Variants in SLC25A51 observed in about 807,000 individuals in gnomAD.
SLC25A51 encodes mitochondrial nicotinamide adenine dinucleotide transporter SLC25A51.
A neutral mutation model predicts 19.1 loss-of-function variants in SLC25A51; 11 were observed. The ratio of observed to expected loss-of-function variants is 0.58; its 90% CI spans 0.36 to 0.96. SLC25A51 has a LOEUF of 0.96. SLC25A51 is among the 40% of genes least tolerant of loss of function. The probability of loss-of-function intolerance (pLI) is 0.01; values close to 1 mark genes in which losing one functional copy is unlikely to be tolerated. For missense variants in SLC25A51, 201 were observed against 365.4 expected, an observed-to-expected ratio of 0.55 and a Z score of 3.67; for synonymous variants, 105 against 133.6, an observed-to-expected ratio of 0.79 and a Z score of 1.47.
chr9:37,898,079 C>T (rs1831759491), intron 2 of SLC25A51, among the ~76,000 whole-genome samples: 1 of 152,150 alleles, frequency 6.6e-6, no homozygotes, highest in Non-Finnish European at 1.5e-5. Context: ...TAAGCTCCTG[C>T]CCCCAACTAT....
chr9:37,894,317 C>CT (rs1035674745), intron 2 of SLC25A51, among the ~76,000 whole-genome samples: 7 of 148,604 alleles, frequency 4.7e-5, no homozygotes, highest in African/African-American at 7.4e-5. Context: ...CCCCACTCAC[C>CT]TTTTTTTTTA....
At chr9:37,878,978 CTT>C (rs1831302336), downstream of SLC25A51, 1 of 236,872 alleles carries the variant, frequency 4.2e-6, no homozygotes, top group Admixed American at 5.4e-5. Context: ...TAAGGAAAAA[CTT>C]TGCGTGGGTT....
chr9:37,891,238 G>A (rs1415484125), intron 2 of SLC25A51, among the ~76,000 whole-genome samples: 1 of 152,026 alleles, frequency 6.6e-6, no homozygotes, highest in Non-Finnish European at 1.5e-5. Flanking sequence ...GAGGGAGGTG[G>A]GGGGCAGCCC....
intron 2 of SLC25A51, among the ~76,000 whole-genome samples, chr9:37,882,560 G>A (rs988156954): frequency 3.9e-5 from 6 of 152,112 alleles, no homozygotes; most frequent in African/African-American, 1.4e-4. Flanking sequence ...GATGAATATC[G>A]ACTATTTAGA....
chr9:37,885,814 G>A (rs1242517988), downstream of SLC25A51: 7 of 1,605,294 alleles, frequency 4.4e-6, no homozygotes, highest in African/African-American at 4.0e-5. Context: ...CTTTTCTTCC[G>A]CTTGGATATT....
downstream of SLC25A51, among the ~76,000 whole-genome samples, chr9:37,886,717 C>T (rs1476232236): frequency 4.6e-5 from 7 of 152,280 alleles, no homozygotes; most frequent in South Asian, 1.2e-3. Context: ...GAAACTCTGT[C>T]GTTTCATTAT....
chr9:37,898,719 AAAAT>A (rs1290622832), intron 2 of SLC25A51, among the ~76,000 whole-genome samples: 2 of 152,126 alleles, frequency 1.3e-5, no homozygotes, highest in Non-Finnish European at 2.9e-5. Flanking sequence ...CTCTGTCTCA[AAAAT>A]AAATAAATAA....
At chr9:37,885,883 C>A (rs1831444350), downstream of SLC25A51, 24 of 1,597,998 alleles carry the variant, frequency 1.5e-5, no homozygotes, top group South Asian at 1.8e-4. Context: ...TGCAAACCCC[C>A]CCCTCCCCAT....
At chr9:37,898,611 T>G (rs1309630119) in intron 2 of SLC25A51, among the ~76,000 whole-genome samples, 2 of 150,474 alleles carry the variant, frequency 1.3e-5, no homozygotes, top group Non-Finnish European at 3.0e-5. Flanking sequence ...CTCAGCTACT[T>G]GGGAGGCTGA....
At chr9:37,900,604 A>C (rs1338553914) in intron 1 of SLC25A51, among the ~76,000 whole-genome samples, 1 of 151,978 alleles carries the variant, frequency 6.6e-6, no homozygotes, top group Non-Finnish European at 1.5e-5. Context: ...AACTTTTAAA[A>C]AACATTTTTT....
intron 2 of SLC25A51, among the ~76,000 whole-genome samples, chr9:37,893,524 C>A (rs1831643855): frequency 6.6e-6 from 1 of 152,210 alleles, no homozygotes; most frequent in Non-Finnish European, 1.5e-5. Flanking sequence ...AGAGCTCAAA[C>A]CTTTCACTGT....
downstream of SLC25A51, among the ~76,000 whole-genome samples, chr9:37,884,576 C>T (rs1831409713): frequency 6.6e-6 from 1 of 152,132 alleles, no homozygotes; most frequent in Non-Finnish European, 1.5e-5. Context: ...AGTGGGATTG[C>T]ATTAATAGAC....
downstream of SLC25A51, among the ~76,000 whole-genome samples, chr9:37,885,163 GCCCCTGGCCCCTGAGGACCTTCT>G (rs528230016): frequency 2.8e-4 from 42 of 152,032 alleles, 1 homozygote; most frequent in South Asian, 8.5e-3. Context: ...AGCCTGAGGA[GCCCCTGGCCCCTGAGGACCTTCT>G]CCTCTGGCCG....
At position 37,900,777 on chromosome 9, in the gene SLC25A51, G is replaced by C. The variant is rs540737814; in HGVS notation, c.-164-827C>G. Among the ~76,000 whole-genome samples, 5 of 152,046 alleles carry C rather than the reference G, an allele frequency of 3.3e-5. No homozygotes were observed. The South Asian group carries it at 1.0e-3, about 32-fold the overall frequency. On this transcript the variant is annotated intron_variant, in intron 1 of 2. Coordinates refer to ENST00000242275, the MANE Select transcript of SLC25A51 (RefSeq NM_033412.4). ...TTATGTTCCCTTTTTTCTTGAGCAG[G>C]GTTATCAGTTTATCTAATTTATAAC... is the stretch of plus-strand genomic sequence containing the variant.
downstream of SLC25A51, among the ~76,000 whole-genome samples, chr9:37,884,010 A>G (rs186717132): frequency 9.6e-3 from 1,459 of 152,330 alleles, 6 homozygotes; most frequent in Non-Finnish European, 0.014. Flanking sequence ...TATTTGTCCA[A>G]GAACTTTCAG....
At chr9:37,901,755 G>C (rs1831853245) in intron 1 of SLC25A51, among the ~76,000 whole-genome samples, 1 of 152,148 alleles carries the variant, frequency 6.6e-6, no homozygotes, top group African/African-American at 2.4e-5. Context: ...GGCTTAATAT[G>C]ATTAACTTCA....
At chr9:37,895,124 T>C (rs1831687903) in intron 2 of SLC25A51, among the ~76,000 whole-genome samples, 1 of 152,216 alleles carries the variant, frequency 6.6e-6, no homozygotes, top group South Asian at 2.1e-4. Flanking sequence ...CTTTGGGTAT[T>C]GTTTTTTTCT....
intron 2 of SLC25A51, among the ~76,000 whole-genome samples, chr9:37,891,453 G>A (rs911035047): frequency 1.3e-5 from 2 of 152,238 alleles, no homozygotes; most frequent in South Asian, 4.1e-4. Context: ...AAATCAGATT[G>A]TTGCTGTGTC....
At chr9:37,890,074 G>A (rs967004127) in intron 2 of SLC25A51, among the ~76,000 whole-genome samples, 1 of 151,862 alleles carries the variant, frequency 6.6e-6, no homozygotes, top group African/African-American at 2.4e-5. Context: ...TTTTTTAATT[G>A]GATTTTAATT....
Sources: allele counts gnomAD v4.1 joint callset (sites outside exome capture counted in the v4.1 genomes callset), GRCh38; gene constraint gnomAD v4.1.1; transcripts MANE v1.5; gene names NCBI Gene and HGNC (gene_info 2026-07-23, HGNC 2026-07-21).